The following PLCXD3 variants were observed in gnomAD, a reference collection of about 807,000 sequenced individuals.
PLCXD3 encodes phosphatidylinositol specific phospholipase C X domain containing 3, also known as PI-PLC X domain-containing protein 3.
PLCXD3 carries 19 observed loss-of-function variants against 25.5 expected under a neutral mutation model. That is an observed-to-expected ratio of 0.75 (90% CI 0.52 to 1.09). The LOEUF (loss-of-function observed/expected upper bound fraction) is 1.09, where lower values mean the gene tolerates loss of function less well. Ranked by LOEUF, PLCXD3 falls within the 50% of genes least tolerant of loss-of-function variation. The pLI is 0.00. For synonymous variants in PLCXD3, 174 were observed against 137.6 expected (o/e 1.26, Z -1.85); for missense variants, 411 against 388.1 (o/e 1.06, Z -0.50).
chr5:41,434,134 T>C (rs950989292), intron 1 of PLCXD3, among the ~76,000 whole-genome samples: 9 of 152,212 alleles, frequency 5.9e-5, no homozygotes, highest in African/African-American at 2.2e-4. Context: ...TGCCAATAAC[T>C]GTGGATCCTT....
At chr5:41,321,873 A>C (rs903963760) in intron 2 of PLCXD3, among the ~76,000 whole-genome samples, 2 of 152,230 alleles carry the variant, frequency 1.3e-5, no homozygotes, top group African/African-American at 4.8e-5. Flanking sequence ...ATCCAGATGC[A>C]AAAGAATAAA....
chr5:41,342,008 C>T (rs1038745695), intron 2 of PLCXD3, among the ~76,000 whole-genome samples: 11 of 152,100 alleles, frequency 7.2e-5, no homozygotes, highest in African/African-American at 2.2e-4. Context: ...CTGGATCATA[C>T]GGCTGTGATC....
At chr5:41,388,083 G>A (rs1189008868) in intron 1 of PLCXD3, among the ~76,000 whole-genome samples, 5 of 151,880 alleles carry the variant, frequency 3.3e-5, no homozygotes, top group Admixed American at 3.3e-4. Context: ...TTTTCATCTG[G>A]CTAATTTTGC....
intron 2 of PLCXD3, among the ~76,000 whole-genome samples, chr5:41,339,995 C>T (rs755783259): frequency 1.3e-5 from 2 of 152,100 alleles, no homozygotes; most frequent in African/African-American, 2.4e-5. Context: ...AGAAACATGG[C>T]GAGGTGTTGA....
Position 41,326,004 on chromosome 5 carries a change from G to A in PLCXD3, c.813-12234C>T, listed in dbSNP as rs115757344. On this transcript the variant is annotated intron_variant, in intron 2 of 2. Transcript: ENST00000377801. ...ACAAGGGTACTAATCTCATTCATGG[G>A]GACTCTGCCCTCACAACCTAATCGC... Among the ~76,000 whole-genome samples, 756 of 152,152 alleles carry A rather than the reference G, an allele frequency of 5.0e-3. 4 individuals carry two copies. Among genetic ancestry groups the A allele is most frequent in the African/African-American group, 0.017 (689 of 41,508 alleles).
chr5:41,421,616 GC>G (rs1384104386), intron 1 of PLCXD3, among the ~76,000 whole-genome samples: 1 of 152,204 alleles, frequency 6.6e-6, no homozygotes, highest in Non-Finnish European at 1.5e-5. Flanking sequence ...CAGGAGAATG[GC>G]GTGAACCCGA....
At chr5:41,383,289 G>C (rs368228694) in intron 1 of PLCXD3, among the ~76,000 whole-genome samples, 2 of 152,070 alleles carry the variant, frequency 1.3e-5, no homozygotes, top group South Asian at 4.1e-4. Flanking sequence ...TCTCTCAACA[G>C]CATAAACTCT....
chr5:41,501,875 T>C (rs1231480406), intron 1 of PLCXD3, among the ~76,000 whole-genome samples: 2 of 152,100 alleles, frequency 1.3e-5, no homozygotes, highest in Non-Finnish European at 2.9e-5. Flanking sequence ...AAGAACAATT[T>C]TAGGGAAGTG....
intron 1 of PLCXD3, among the ~76,000 whole-genome samples, chr5:41,487,384 C>A (rs1454655376): frequency 6.6e-6 from 1 of 152,144 alleles, no homozygotes; most frequent in Admixed American, 6.5e-5. Context: ...ATCAACAGAG[C>A]AGAAGCCTTT....
chr5:41,383,315 C>T (rs1745538060), intron 1 of PLCXD3, among the ~76,000 whole-genome samples: 1 of 152,032 alleles, frequency 6.6e-6, no homozygotes, highest in African/African-American at 2.4e-5. Context: ...GAATTGGCTT[C>T]TAAATTTAGA....
chr5:41,343,158 C>T (rs1434774847), intron 2 of PLCXD3, among the ~76,000 whole-genome samples: 1 of 152,080 alleles, frequency 6.6e-6, no homozygotes, highest in Non-Finnish European at 1.5e-5. Flanking sequence ...TAGGTAGCTC[C>T]ACCTTTTCCT....
In PLCXD3 at chr5:41,416,473, A is replaced by G. The variant is rs532795476; in HGVS notation, c.104-33939T>C. The stretch of plus-strand genomic sequence containing the variant: ...GAGGGTGGGTCTCAGACCATCTCCT[A>G]CTTTCAGAATTGGAATCAGATCCCG... On this transcript the variant is annotated intron_variant, in intron 1 of 2. Transcript: ENST00000377801. 3.9e-5 allele frequency among the ~76,000 whole-genome samples: 6 copies of G among 152,310 alleles called. No homozygotes were observed. In the East Asian group the frequency reaches 1.2e-3, roughly 29 times the overall value.
At chr5:41,316,644 C>T (rs1743304013) in intron 2 of PLCXD3, among the ~76,000 whole-genome samples, 1 of 152,042 alleles carries the variant, frequency 6.6e-6, no homozygotes, top group Admixed American at 6.5e-5. Context: ...AAGGGTGAGT[C>T]CCAGGCTAGG....
intron 1 of PLCXD3, among the ~76,000 whole-genome samples, chr5:41,494,933 A>C (rs1373221734): frequency 6.6e-6 from 1 of 152,194 alleles, no homozygotes; most frequent in Non-Finnish European, 1.5e-5. Context: ...AAGGAAGAAA[A>C]ACAAGGTAAG....
At chr5:41,443,687 G>C (rs186463089) in intron 1 of PLCXD3, among the ~76,000 whole-genome samples, 1 of 152,146 alleles carries the variant, frequency 6.6e-6, no homozygotes, top group Non-Finnish European at 1.5e-5. Flanking sequence ...GTCTGAGGGA[G>C]AGAATCTGAA....
chr5:41,493,169 G>T (rs200315573), intron 1 of PLCXD3, among the ~76,000 whole-genome samples: 1 of 152,190 alleles, frequency 6.6e-6, no homozygotes, highest in Non-Finnish European at 1.5e-5. Flanking sequence ...CTCAGCTGCA[G>T]GTCTGTTGGA....
chr5:41,473,925 C>T (rs1748226963), intron 1 of PLCXD3, among the ~76,000 whole-genome samples: 1 of 152,176 alleles, frequency 6.6e-6, no homozygotes, highest in Non-Finnish European at 1.5e-5. Context: ...GAGGCCCCTT[C>T]CTCTTTTTAA....
intron 1 of PLCXD3, among the ~76,000 whole-genome samples, chr5:41,421,751 T>G (rs182044728): frequency 3.0e-4 from 45 of 149,928 alleles, no homozygotes; most frequent in Admixed American, 2.3e-3. Flanking sequence ...TTTGGTAGAA[T>G]TTAGATGAAT....
At chr5:41,404,732 G>T (rs77288739) in intron 1 of PLCXD3, among the ~76,000 whole-genome samples, 3 of 151,968 alleles carry the variant, frequency 2.0e-5, no homozygotes, top group African/African-American at 7.3e-5. Flanking sequence ...ATGAACTTCC[G>T]GTTGGTCTCT....
Sources: gnomAD v4.1 joint callset for allele counts (sites outside exome capture counted in the v4.1 genomes callset) on GRCh38, gnomAD v4.1.1 for gene constraint, MANE v1.5 for transcripts, NCBI Gene and HGNC (gene_info 2026-07-23, HGNC 2026-07-21) for gene names.